Variants in GNB1 observed in about 807,000 individuals in gnomAD.
GNB1 encodes G protein subunit beta 1, also known as guanine nucleotide-binding protein G(I)/G(S)/G(T) subunit beta-1.
A neutral mutation model predicts 42.9 loss-of-function variants in GNB1; 2 were observed. The ratio of observed to expected loss-of-function variants is 0.05; its 90% CI spans 0.02 to 0.15. The LOEUF (loss-of-function observed/expected upper bound fraction) is 0.15, where lower values mean the gene tolerates loss of function less well. GNB1 is among the 10% of genes least tolerant of loss of function. The probability of loss-of-function intolerance (pLI) is 1.00; values close to 1 mark genes in which losing one functional copy is unlikely to be tolerated. For missense variants in GNB1, 193 were observed against 462.2 expected (o/e 0.42, Z 5.34); for synonymous variants, 183 against 174.7 (o/e 1.05, Z -0.38).
At chr1:1,817,007 CATT>C (rs534621283) in intron 4 of GNB1, among the ~76,000 whole-genome samples, 1,585 of 152,250 alleles carry the variant, frequency 0.01, 14 homozygotes, top group Middle Eastern at 0.031. Flanking sequence ...TTAGTACACT[CATT>C]GTTGTAAAAC....
chr1:1,880,000 T>C (rs1649754039), intron 1 of GNB1, among the ~76,000 whole-genome samples: 1 of 151,880 alleles, frequency 6.6e-6, no homozygotes, highest in Non-Finnish European at 1.5e-5. Context: ...GGTGCAACCA[T>C]AGCTCACTGC....
chr1:1,848,029 A>T (rs1461151645), intron 1 of GNB1, among the ~76,000 whole-genome samples: 1 of 123,952 alleles, frequency 8.1e-6, no homozygotes, highest in Non-Finnish European at 1.8e-5. Context: ...ATGGCACAGG[A>T]ACTAAAACTA....
intron 1 of GNB1, among the ~76,000 whole-genome samples, chr1:1,842,182 G>A (rs369699466): frequency 6.6e-5 from 10 of 152,324 alleles, no homozygotes; most frequent in African/African-American, 1.7e-4. Flanking sequence ...TGTAATCCCA[G>A]CACTCTGGGA....
intron 1 of GNB1, among the ~76,000 whole-genome samples, chr1:1,886,945 C>T (rs1350354176): frequency 3.3e-5 from 5 of 152,134 alleles, no homozygotes; most frequent in African/African-American, 1.2e-4. Context: ...GATCTCCTGA[C>T]CTCATGATCC....
intron 3 of GNB1, among the ~76,000 whole-genome samples, chr1:1,824,201 A>C (rs1370239261): frequency 6.6e-6 from 1 of 152,136 alleles, no homozygotes; most frequent in African/African-American, 2.4e-5. Context: ...TTTTTCTCTT[A>C]CTCTTCACAT....
rs563835885 is a variant in GNB1 at position 1,786,829 on chromosome 1, C to A, written c.*234G>T. On this transcript the variant is annotated 3_prime_UTR_variant, in exon 12 of 12. Coordinates refer to ENST00000378609, the MANE Select transcript of GNB1 (RefSeq NM_002074.5). The stretch of plus-strand genomic sequence containing the variant: ...CAAAAAAGAAAACAAAGACGATGGC[C>A]CCGGAAGGAATGCACAATTTGTTTT... 6.6e-6 allele frequency: 1 copy of A among 152,668 alleles called. No homozygotes were observed. Among genetic ancestry groups the A allele is most frequent in the Non-Finnish European group, 1.5e-5 (1 of 68,048 alleles). 9.5% of individuals were successfully genotyped at this position (152,668 alleles called of 1,614,324 possible).
At chr1:1,881,268 C>T (rs542621583) in intron 1 of GNB1, among the ~76,000 whole-genome samples, 1 of 152,106 alleles carries the variant, frequency 6.6e-6, no homozygotes, top group African/African-American at 2.4e-5. Context: ...CTGGTCCAGA[C>T]CCCTTTCCTC....
chr1:1,812,928 C>T (rs540849109), intron 5 of GNB1, among the ~76,000 whole-genome samples: 10 of 149,794 alleles, frequency 6.7e-5, no homozygotes, highest in Non-Finnish European at 1.5e-4. Context: ...TTCCAGACTA[C>T]CCAGTCCAGA....
chr1:1,890,092 G>A (rs1268254127), intron 1 of GNB1, among the ~76,000 whole-genome samples: 2 of 152,074 alleles, frequency 1.3e-5, no homozygotes, highest in Non-Finnish European at 2.9e-5. Context: ...GGGCCGGGCC[G>A]GGGTCCGCGC....
Position 1,790,513 on chromosome 1 carries a change from G to C in GNB1, c.581C>G (p.Pro194Arg), listed in dbSNP as rs780992762. ...ACCAGAGACGAACAGTCTGGTGTCA[G>C]GAGCAAGAGAAAGGCTCATGACATC... ...TGDVMSLSLA[P>R]DTRLFVSGAC... is the part of the protein sequence containing the mutation. The change falls in exon 9 of 12, where the codon CCT becomes CGT. Residue 194 changes from proline to arginine, a missense_variant. Transcript: ENST00000378609. The surrounding 1 kb of genome is among the most constrained non-coding windows in gnomAD (Gnocchi z 5.4). 2 of 1,612,516 alleles carry C rather than the reference G, an allele frequency of 1.2e-6. No individual in the cohort carries two copies. Among genetic ancestry groups the C allele is most frequent in the Non-Finnish European group, 1.7e-6 (2 of 1,178,554 alleles).
intron 1 of GNB1, among the ~76,000 whole-genome samples, chr1:1,860,734 G>A (rs974102780): frequency 1.4e-4 from 21 of 151,272 alleles, no homozygotes; most frequent in African/African-American, 4.6e-4. Context: ...GGGAGGAAGA[G>A]TCCCCACAAA....
At chr1:1,828,936 A>T (rs1647037263) in intron 2 of GNB1, among the ~76,000 whole-genome samples, 1 of 152,080 alleles carries the variant, frequency 6.6e-6, no homozygotes, top group Non-Finnish European at 1.5e-5. Flanking sequence ...AATAAAAATA[A>T]ATTTCCTGGT....
intron 1 of GNB1, among the ~76,000 whole-genome samples, chr1:1,863,024 G>A (rs1038513128): frequency 6.6e-6 from 1 of 152,170 alleles, no homozygotes; most frequent in African/African-American, 2.4e-5. Flanking sequence ...CACAGTGCTA[G>A]ACCCAGGCTG....
chr1:1,826,659 G>C (rs1647003620), intron 2 of GNB1, among the ~76,000 whole-genome samples: 1 of 152,168 alleles, frequency 6.6e-6, no homozygotes, highest in African/African-American at 2.4e-5. Flanking sequence ...CCACCCAAGT[G>C]AGCCCTGGGA....
At chr1:1,855,522 A>T (rs1234815833) in intron 1 of GNB1, among the ~76,000 whole-genome samples, 2 of 151,918 alleles carry the variant, frequency 1.3e-5, no homozygotes, top group African/African-American at 4.8e-5. Flanking sequence ...TAACACAGTG[A>T]AACCCCATCT....
intron 4 of GNB1, among the ~76,000 whole-genome samples, chr1:1,816,939 A>G (rs1646865479): frequency 6.6e-6 from 1 of 152,004 alleles, no homozygotes; most frequent in Non-Finnish European, 1.5e-5. Context: ...TTTTTTTAAT[A>G]AGGTGAAGTT....
At chr1:1,873,005 C>A (rs1449191208) in intron 1 of GNB1, among the ~76,000 whole-genome samples, 1 of 152,000 alleles carries the variant, frequency 6.6e-6, no homozygotes, top group Non-Finnish European at 1.5e-5. Flanking sequence ...GCAAGTCCCA[C>A]CATTAAGGAC....
intron 1 of GNB1, among the ~76,000 whole-genome samples, chr1:1,866,262 T>C (rs1218726384): frequency 1.3e-5 from 2 of 152,232 alleles, no homozygotes; most frequent in Non-Finnish European, 2.9e-5. Flanking sequence ...CTTAAAACAG[T>C]ATGTTCCTTT....
At chr1:1,842,157 A>T (rs546189168) in intron 1 of GNB1, among the ~76,000 whole-genome samples, 1 of 152,052 alleles carries the variant, frequency 6.6e-6, no homozygotes, top group South Asian at 2.1e-4. Context: ...ATTGCCAGGC[A>T]CGGTGGCTCA....
Sources: gnomAD v4.1 joint callset for allele counts (sites outside exome capture counted in the v4.1 genomes callset) on GRCh38, gnomAD v4.1.1 for gene constraint, Gnocchi (gnomAD v3.1) non-coding constraint, MANE v1.5 for transcripts, NCBI Gene and HGNC (gene_info 2026-07-23, HGNC 2026-07-21) for gene names.